The following OAS2 variants were observed in gnomAD, a reference collection of about 807,000 sequenced individuals.
OAS2 encodes 2'-5'-oligoadenylate synthase 2.
A neutral mutation model predicts 71.3 loss-of-function variants in OAS2; 67 were observed. The observed-to-expected ratio is 0.94, with a 90% CI of 0.77 to 1.15. The LOEUF (loss-of-function observed/expected upper bound fraction) is 1.15. OAS2 is among the 50% of genes most tolerant of loss of function. The probability of loss-of-function intolerance (pLI) is 0.00; values close to 1 mark genes in which losing one functional copy is unlikely to be tolerated. For missense variants in OAS2, 789 were observed against 822.5 expected, an observed-to-expected ratio of 0.96 and a Z score of 0.50; for synonymous variants, 327 against 321.8, an observed-to-expected ratio of 1.02 and a Z score of -0.17.
chr12:113,011,224 GC>G lies in OAS2; in HGVS notation c.*1971del, dbSNP rs1344628661. 1.3e-5 allele frequency: 2 copies of G among 152,168 alleles called. No individual in the cohort carries two copies. Among genetic ancestry groups the G allele is most frequent in the Non-Finnish European group, 2.9e-5 (2 of 68,032 alleles). 9.4% of individuals were successfully genotyped at this position (152,168 alleles called of 1,614,324 possible). A position where few individuals can be genotyped will look rare whatever the true frequency, so the allele number is the denominator to read the frequency against. On this transcript the variant is annotated 3_prime_UTR_variant, in exon 10 of 10. Coordinates refer to ENST00000392583, the MANE Select transcript of OAS2 (RefSeq NM_002535.3). Reference sequence around the variant, plus strand: ...AATAAAGAATGTATCTGGATTTTGTGCCTAGTTCCTAGCACACAGCTTCAAA... The same window carrying G: ...AATAAAGAATGTATCTGGATTTTGTGCTAGTTCCTAGCACACAGCTTCAAA...
intron 1 of OAS2, among the ~76,000 whole-genome samples, chr12:112,984,214 C>A (rs191213742): frequency 6.6e-5 from 10 of 152,266 alleles, no homozygotes; most frequent in African/African-American, 2.4e-4. Flanking sequence ...GTTGGGTGGT[C>A]ATACATATGT....
intron 1 of OAS2, among the ~76,000 whole-genome samples, chr12:112,984,495 G>A (rs2044114334): frequency 6.6e-6 from 1 of 152,288 alleles, no homozygotes; most frequent in Admixed American, 6.5e-5. Flanking sequence ...GCAGCATATA[G>A]TTGGACCTTA....
rs1167039256 is a variant in OAS2 at position 113,009,759 on chromosome 12, T to A, written c.*504T>A. ...TCTTCCATTTCATTGCTCAGAAATGTCATGTGGCTACCTGTAACTTGAAGG... is the reference window on the plus strand; with the variant it reads ...TCTTCCATTTCATTGCTCAGAAATGACATGTGGCTACCTGTAACTTGAAGG... On this transcript the variant is annotated 3_prime_UTR_variant, in exon 10 of 10. Transcript: ENST00000392583. The A allele has an allele frequency of 3.0e-6, 3 of 987,384 alleles. No homozygotes were observed. Among genetic ancestry groups the A allele is most frequent in the African/African-American group, 1.7e-5 (1 of 57,232 alleles). The allele number at this position is 987,384 out of a possible 1,614,324, so 61.2% of individuals were successfully genotyped here.
chr12:113,006,389 A>G (rs1202144928), intron 7 of OAS2, 24 bp from the exon 8 acceptor site: 1 of 1,516,292 alleles, frequency 6.6e-7, no homozygotes, highest in Non-Finnish European at 8.9e-7. Context: ...TTAAAGCAGG[A>G]TGTCAATCTC....
At position 113,007,811 on chromosome 12, in the gene OAS2, C is replaced by G. The variant is rs766719120; in HGVS notation, c.1763C>G (p.Thr588Ser). ...EQGSGVPDFDTAEGFRTVLEL... is the reference protein window; with the variant it reads ...EQGSGVPDFDSAEGFRTVLEL... Reference sequence around the variant, plus strand: ...GGGAGTGGAGTGCCGGATTTTGACACTGCAGAAGGTTTCCGGACAGTCCTG... The same window carrying G: ...GGGAGTGGAGTGCCGGATTTTGACAGTGCAGAAGGTTTCCGGACAGTCCTG... The change falls in exon 9 of 10, where the codon ACT becomes AGT. Residue 588 changes from threonine (T) to serine (S), a missense_variant. Transcript: ENST00000392583. The G allele has an allele frequency of 6.2e-7, 1 of 1,614,178 alleles. No homozygotes were observed. The highest frequency in any genetic ancestry group is 1.1e-5 in the South Asian group (1 of 91,080).
rs1330958324 is a variant in OAS2 at position 113,009,273 on chromosome 12, A to G, written c.*18A>G. 1.9e-6 allele frequency: 3 copies of G among 1,612,156 alleles called. No homozygotes were observed. In the African/African-American group the frequency reaches 4.0e-5, roughly 22 times the overall value. On this transcript the variant is annotated 3_prime_UTR_variant, in exon 10 of 10. Coordinates refer to ENST00000392583, the MANE Select transcript of OAS2 (RefSeq NM_002535.3). ...TCATCTAAAGGAGGCGTTGTCTGGA[A>G]ATAGCCCTGTAACAGGCTTGAATCA...
intron 7 of OAS2, among the ~76,000 whole-genome samples, chr12:113,005,702 AAAATAAAT>A (rs145453265): frequency 5.4e-5 from 8 of 147,098 alleles, no homozygotes; most frequent in East Asian, 2.0e-4. Context: ...CTTCATCCCA[AAAATAAAT>A]AAATAAATAA....
intron 1 of OAS2, among the ~76,000 whole-genome samples, chr12:112,986,658 A>C (rs1165208905): frequency 1.3e-5 from 2 of 152,092 alleles, no homozygotes; most frequent in Non-Finnish European, 2.9e-5. Context: ...AGGTTCCCTA[A>C]TGGTGTGTGC....
chr12:113,005,495 C>T lies in OAS2; in HGVS notation c.1468+273C>T, dbSNP rs61086514. On this transcript the variant is annotated intron_variant, in intron 7 of 9. Coordinates refer to ENST00000392583, the MANE Select transcript of OAS2 (RefSeq NM_002535.3). ...AACCCGGGAGGTGGAGGTTGCAGTG[C>T]GAGATCGTGCCACTGCACTCCAGCC... Among the ~76,000 whole-genome samples, 5,567 of 151,662 alleles carry T rather than the reference C, an allele frequency of 0.037. 329 individuals are homozygous for T. The highest frequency in any genetic ancestry group is 0.12 in the African/African-American group (5,109 of 41,270).
chr12:113,005,567 C>T (rs1225063555), intron 7 of OAS2, among the ~76,000 whole-genome samples: 1 of 150,048 alleles, frequency 6.7e-6, no homozygotes, highest in Non-Finnish European at 1.5e-5. Flanking sequence ...AACAAACACA[C>T]AAACAAAACA....
rs186115480 is a variant in OAS2 at position 112,982,387 on chromosome 12, T to C, written c.177+3602T>C. Among the ~76,000 whole-genome samples, 342 of 152,298 alleles carry C rather than the reference T, an allele frequency of 2.2e-3. 1 individual carries two copies. The highest frequency in any genetic ancestry group is 7.9e-3 in the African/African-American group (329 of 41,556). On this transcript the variant is annotated intron_variant, in intron 1 of 9. Coordinates refer to ENST00000392583, the MANE Select transcript of OAS2 (RefSeq NM_002535.3). ...TGAGGGTTTTTAGCATAAAGGGATG[T>C]TGAATTTTACCAAATGTTCTTCTAC... is the stretch of plus-strand genomic sequence containing the variant.
intron 5 of OAS2, among the ~76,000 whole-genome samples, chr12:113,001,447 T>TACATATATAC: frequency 1.4e-5 from 1 of 72,682 alleles, no homozygotes; most frequent in Non-Finnish European, 3.4e-5. Flanking sequence ...TACACATATA[T>TACATATATAC]ACATATATAC....
At chr12:112,981,269 G>A (rs2044079544) in intron 1 of OAS2, among the ~76,000 whole-genome samples, 1 of 152,044 alleles carries the variant, frequency 6.6e-6, no homozygotes, top group South Asian at 2.1e-4. Context: ...TGCTTTTGAA[G>A]TCTTAGCCAC....
At chr12:112,981,639 C>A (rs533176595) in intron 1 of OAS2, among the ~76,000 whole-genome samples, 1 of 152,024 alleles carries the variant, frequency 6.6e-6, no homozygotes, top group African/African-American at 2.4e-5. Context: ...TTTGAAGTCA[C>A]GTAGCATGAT....
chr12:113,001,509 C>CAT (rs565012707), intron 5 of OAS2, among the ~76,000 whole-genome samples: 21 of 146,582 alleles, frequency 1.4e-4, no homozygotes, highest in South Asian at 4.2e-4. Context: ...CATCTATACA[C>CAT]ATATATATAT....
At chr12:112,995,594 C>T in intron 3 of OAS2, 120 bp downstream of exon 3, 1 of 918,974 alleles carries the variant, frequency 1.1e-6, no homozygotes, top group Non-Finnish European at 1.6e-6. Context: ...ACAATCTTAC[C>T]AGCAACACCC....
At chr12:112,987,861 A>T (rs2044154378) in intron 2 of OAS2, 1 of 985,914 alleles carries the variant, frequency 1.0e-6, no homozygotes, top group Non-Finnish European at 1.2e-6. Flanking sequence ...CTTGAACCCA[A>T]CTCCTAAATC....
Position 112,987,046 on chromosome 12 carries a change from C to T in OAS2, c.186C>T (p.Ser62=), listed in dbSNP as rs779016361. 14 of 1,609,326 alleles carry T rather than the reference C, an allele frequency of 8.7e-6. No homozygotes were observed. The highest frequency in any genetic ancestry group is 1.0e-5 in the Non-Finnish European group (12 of 1,176,372). The change falls in exon 2 of 10, where the codon TCC becomes TCT. Residue 62 remains serine (S), a synonymous_variant. Coordinates refer to ENST00000392583, the MANE Select transcript of OAS2 (RefSeq NM_002535.3). ...TTCTTTGTCACTGGCAGGGTGGCTC[C>T]TATGGACGGAAAACAGTCTTAAGAG... ...PLVQGVAIGG[S]YGRKTVLRGN...
At chr12:112,986,771 A>G (rs2044141111) in intron 1 of OAS2, among the ~76,000 whole-genome samples, 1 of 151,578 alleles carries the variant, frequency 6.6e-6, no homozygotes, top group Non-Finnish European at 1.5e-5. Flanking sequence ...AGGCCCTGGG[A>G]CAGTAAGCAC....
Sources: gnomAD v4.1 joint callset for allele counts (sites outside exome capture counted in the v4.1 genomes callset) on GRCh38, gnomAD v4.1.1 for gene constraint, MANE v1.5 for transcripts, NCBI Gene and HGNC (gene_info 2026-07-23, HGNC 2026-07-21) for gene names.